The following BPTF variants were observed in gnomAD, a reference collection of about 807,000 sequenced individuals.
BPTF encodes bromodomain PHD finger transcription factor, also known as nucleosome-remodeling factor subunit BPTF.
In BPTF, 18 loss-of-function variants were observed where a neutral mutation model predicts 292.5. The ratio of observed to expected loss-of-function variants is 0.06; its 90% confidence interval spans 0.04 to 0.09. The LOEUF (loss-of-function observed/expected upper bound fraction) is 0.09. Ranked by LOEUF, BPTF falls within the 10% of genes least tolerant of loss-of-function variation. The pLI is 1.00. For missense variants in BPTF, 2,726 were observed against 3,498.7 expected, an observed-to-expected ratio of 0.78 and a Z score of 5.57; for synonymous variants, 1,225 against 1,251.9, an observed-to-expected ratio of 0.98 and a Z score of 0.45.
intron 2 of BPTF, 135 bp from the exon 3 acceptor site, chr17:67,866,329 G>A: frequency 1.5e-6 from 1 of 676,162 alleles, no homozygotes; most frequent in East Asian, 2.5e-5. Flanking sequence ...AGTGAGACCT[G>A]CAGGGTTTTC....
chr17:67,902,271 C>T (rs1289105035), intron 7 of BPTF, among the ~76,000 whole-genome samples: 1 of 152,192 alleles, frequency 6.6e-6, no homozygotes, highest in Non-Finnish European at 1.5e-5. Context: ...TGCTCCATTC[C>T]TGGCCTCTCT....
At chr17:67,843,992 T>TCAGGTGATCCACC in intron 1 of BPTF, among the ~76,000 whole-genome samples, 1 of 148,852 alleles carries the variant, frequency 6.7e-6, no homozygotes, top group Admixed American at 6.7e-5. Context: ...CTCAAACTCC[T>TCAGGTGATCCACC]GACCTCAGGT....
At chr17:67,970,328 G>C (rs1555690165) in intron 26 of BPTF, among the ~76,000 whole-genome samples, 1 of 152,154 alleles carries the variant, frequency 6.6e-6, no homozygotes, top group East Asian at 1.9e-4. Context: ...CAGCTGGGAG[G>C]TGGAGGCTGC....
intron 1 of BPTF, among the ~76,000 whole-genome samples, chr17:67,829,095 G>C (rs1337545735): frequency 2.1e-5 from 3 of 145,672 alleles, no homozygotes; most frequent in Non-Finnish European, 3.0e-5. Context: ...TGGTCTAATT[G>C]TTTTTTGTTT....
At chr17:67,956,273 T>C (rs1490981887) in intron 23 of BPTF, 3 of 137,818 alleles carry the variant, frequency 2.2e-5, no homozygotes, top group Admixed American at 8.1e-5. Context: ...GAGCCGAGAT[T>C]GCGCCACTGC....
intron 1 of BPTF, among the ~76,000 whole-genome samples, chr17:67,829,806 A>G (rs1347839941): frequency 6.6e-6 from 1 of 152,234 alleles, no homozygotes; most frequent in Non-Finnish European, 1.5e-5. Flanking sequence ...TGGTTTAAGT[A>G]CTGACGTGAC....
At chr17:67,951,569 C>G (rs1329678924) in intron 23 of BPTF, 1 of 152,052 alleles carries the variant, frequency 6.6e-6, no homozygotes, top group African/African-American at 2.4e-5. Context: ...AGTTTATATC[C>G]TTTATGTATA....
chr17:67,956,405 C>T (rs1184247177), intron 23 of BPTF: 5 of 151,738 alleles, frequency 3.3e-5, no homozygotes, highest in Non-Finnish European at 7.4e-5. Flanking sequence ...GAAGTCTTGA[C>T]CTCCCAGGCT....
At position 67,849,783 on chromosome 17, in the gene BPTF, C is replaced by CA. The variant is rs886571527; in HGVS notation, c.614-4149dup. Among the ~76,000 whole-genome samples, 145 of 151,508 alleles carry CA rather than the reference C, an allele frequency of 9.6e-4. 1 individual carries two copies. The highest frequency in any genetic ancestry group is 9.7e-4 in the Non-Finnish European group (66 of 67,860). On this transcript the variant is annotated intron_variant, in intron 1 of 27. Transcript: ENST00000306378. Reference sequence around the variant, plus strand: ...GGAAACCCCTTCTATACTAAAAATACAAAAAAAATTAGCCGGGCATGGTGG... The same window carrying CA: ...GGAAACCCCTTCTATACTAAAAATACAAAAAAAAATTAGCCGGGCATGGTGG...
At position 67,854,530 on chromosome 17, in the gene BPTF, T is replaced by C. The variant is rs1196068290; in HGVS notation, c.1204T>C (p.Leu402=). 1 of 1,614,204 alleles carries C rather than the reference T, an allele frequency of 6.2e-7. No homozygotes were observed. The highest frequency in any genetic ancestry group is 1.1e-5 in the South Asian group (1 of 91,086). Residue 402 remains leucine (L), a synonymous_variant, in exon 2 of 28, where the codon TTG becomes CTG. Transcript: ENST00000306378. This position sits in a 1 kb window ranked among gnomAD's most constrained non-coding sequence, Gnocchi z 5.6. ...HCRVCHKLGD[L]LCCETCSAVY... Reference sequence around the variant, plus strand: ...TAGGGTTTGTCACAAACTTGGGGATTTGCTTTGCTGTGAGACATGTTCAGC... The same window carrying C: ...TAGGGTTTGTCACAAACTTGGGGATCTGCTTTGCTGTGAGACATGTTCAGC...
chr17:67,896,903 T>G (rs56404791), intron 7 of BPTF, among the ~76,000 whole-genome samples: 52,873 of 151,804 alleles, frequency 0.35, 11,831 homozygotes, highest in East Asian at 0.68. Flanking sequence ...CCTAAAGAAA[T>G]AAAATATTAA....
chr17:67,976,096 A>G, intron 27 of BPTF, 138 bp downstream of exon 27: 2 of 629,870 alleles, frequency 3.2e-6, no homozygotes, highest in South Asian at 3.6e-5. Flanking sequence ...ATAAATCAAG[A>G]CTCCAGGGTT....
At chr17:67,927,761 T>C (rs1292868605) in intron 15 of BPTF, among the ~76,000 whole-genome samples, 2 of 152,196 alleles carry the variant, frequency 1.3e-5, no homozygotes, top group African/African-American at 4.8e-5. Context: ...TTTTCTGCTA[T>C]GAACAGCTTA....
rs956116737 is a variant in BPTF at position 67,891,717 on chromosome 17, G to C, written c.1865-127G>C. On this transcript the variant is annotated intron_variant, in intron 4 of 27. Transcript: ENST00000306378. ...TAATGATACTTGCTTTGCCATTCAA[G>C]GGCCTTTTTTTATCTGTTTACTTTG... The C allele has an allele frequency of 1.8e-5, 10 of 557,952 alleles. No individual in the cohort carries two copies. In the Admixed American group the frequency reaches 3.4e-4, roughly 19 times the overall value. The allele number at this position is 557,952 out of a possible 1,614,324, so 34.6% of individuals were successfully genotyped here.
At chr17:67,879,128 A>G (rs2060223562) in intron 4 of BPTF, among the ~76,000 whole-genome samples, 1 of 144,920 alleles carries the variant, frequency 6.9e-6, no homozygotes, top group African/African-American at 2.6e-5. Flanking sequence ...GGCTGTTGTT[A>G]ATTATTTCTT....
chr17:67,908,680 G>A (rs2062411559), intron 9 of BPTF, among the ~76,000 whole-genome samples: 2 of 150,408 alleles, frequency 1.3e-5, no homozygotes, highest in African/African-American at 4.9e-5. Flanking sequence ...AATAGAGGCG[G>A]GGTTTCACCA....
At chr17:67,969,799 C>CA (rs1387548331) in intron 26 of BPTF, among the ~76,000 whole-genome samples, 9 of 151,506 alleles carry the variant, frequency 5.9e-5, no homozygotes, top group East Asian at 3.9e-4. Context: ...CCTGTCTTTA[C>CA]AAAAAAACAA....
At chr17:67,933,633 G>C (rs978286909) in intron 18 of BPTF, among the ~76,000 whole-genome samples, 1 of 152,102 alleles carries the variant, frequency 6.6e-6, no homozygotes, top group Non-Finnish European at 1.5e-5. Context: ...TATGAATTAA[G>C]TAACATGTCA....
At chr17:67,845,526 A>C (rs1046261280) in intron 1 of BPTF, among the ~76,000 whole-genome samples, 3 of 152,174 alleles carry the variant, frequency 2.0e-5, no homozygotes, top group Non-Finnish European at 2.9e-5. Context: ...TAATCCTAGC[A>C]CTTGGGGAGG....
Sources: allele counts gnomAD v4.1 joint callset (sites outside exome capture counted in the v4.1 genomes callset), GRCh38; gene constraint gnomAD v4.1.1; non-coding constraint Gnocchi (gnomAD v3.1); transcripts MANE v1.5; gene names NCBI Gene and HGNC (gene_info 2026-07-23, HGNC 2026-07-21).